The following UVRAG variants were observed in gnomAD, a reference collection of about 807,000 sequenced individuals.
UVRAG encodes the protein UV radiation resistance-associated gene protein.
In UVRAG, 19 loss-of-function variants were observed where a neutral mutation model predicts 78.0. The observed-to-expected ratio is 0.24, with a 90% CI of 0.17 to 0.36. The LOEUF is 0.36. Among genes scored for constraint, UVRAG ranks in the 10% least tolerant of loss-of-function variants. The probability of loss-of-function intolerance (pLI) is 1.00; values close to 1 mark genes in which losing one functional copy is unlikely to be tolerated. For missense variants in UVRAG, 740 were observed against 853.8 expected, an observed-to-expected ratio of 0.87 and a Z score of 1.66; for synonymous variants, 323 against 324.6, an observed-to-expected ratio of 1.00 and a Z score of 0.05.
chr11:76,029,993 A>G (rs747966459), intron 12 of UVRAG, among the ~76,000 whole-genome samples: 22 of 152,232 alleles, frequency 1.4e-4, no homozygotes, highest in Non-Finnish European at 2.9e-4. Context: ...GAAGGCTCAG[A>G]TGATCATTAG....
intron 4 of UVRAG, among the ~76,000 whole-genome samples, chr11:75,880,404 G>A (rs985812697): frequency 3.9e-5 from 6 of 152,134 alleles, no homozygotes; most frequent in African/African-American, 7.2e-5. Context: ...GGAATATCAC[G>A]TTAAATACCT....
chr11:75,969,582 T>C (rs1323914331), intron 7 of UVRAG, among the ~76,000 whole-genome samples: 1 of 152,050 alleles, frequency 6.6e-6, no homozygotes, highest in Non-Finnish European at 1.5e-5. Context: ...TTCAGGAAAA[T>C]TGTTTAGGAA....
At chr11:75,876,692 C>T (rs1243761896) in intron 3 of UVRAG, among the ~76,000 whole-genome samples, 1 of 23,030 alleles carries the variant, frequency 4.3e-5, no homozygotes, top group East Asian at 1.4e-3. Flanking sequence ...ACACTTTGGT[C>T]AGGAAAAAAA....
At chr11:76,024,581 T>C (rs1950298378) in intron 12 of UVRAG, among the ~76,000 whole-genome samples, 1 of 152,222 alleles carries the variant, frequency 6.6e-6, no homozygotes, top group South Asian at 2.1e-4. Flanking sequence ...TAATTGATAG[T>C]ACTTTTCTTA....
intron 6 of UVRAG, among the ~76,000 whole-genome samples, chr11:75,960,532 C>T (rs547338252): frequency 3.3e-4 from 50 of 152,094 alleles, no homozygotes; most frequent in African/African-American, 1.1e-3. Context: ...TTTGAGAGGC[C>T]GAGGCGGGCA....
chr11:75,976,480 G>T (rs931666460), intron 7 of UVRAG, among the ~76,000 whole-genome samples: 7 of 152,144 alleles, frequency 4.6e-5, no homozygotes, highest in Admixed American at 2.0e-4. Context: ...GAATTTGGCT[G>T]TGAATCTGTC....
rs941985927 is a variant in UVRAG at position 76,065,768 on chromosome 11, C to G, written c.1285C>G (p.Leu429Val). The part of the protein sequence containing the change: ...KLQFDYGVYL[L>V]NKNIAQLRYQ... ...GCAGTTTGATTATGGTGTCTATCTT[C>G]TGAACAAAAATATAGCACAGGTAAG... Residue 429 changes from leucine to valine, a missense_variant, in exon 13 of 15, where the codon CTG (leucine) becomes GTG (valine). Physicochemically the swap from Leu to Val is conservative, Grantham distance 32 (BLOSUM62 1). Transcript: ENST00000356136. 2 of 1,613,850 alleles carry G rather than the reference C, an allele frequency of 1.2e-6. No individual in the cohort carries two copies. The highest frequency in any genetic ancestry group is 1.7e-6 in the Non-Finnish European group (2 of 1,179,922).
Position 75,843,435 on chromosome 11 carries a change from A to ATAATCC in UVRAG, c.118-8448_118-8447insTAATCC. On this transcript the variant is annotated intron_variant, in intron 1 of 14. Transcript: ENST00000356136. ...ACCTTACAGTATAAGTTCTTTCCCT[A>ATAATCC]GTTGTAATCTTTGACAGTTTTAAAG... is the stretch of plus-strand genomic sequence containing the variant. Among the ~76,000 whole-genome samples, 4 of 152,320 alleles carry ATAATCC rather than the reference A, an allele frequency of 2.6e-5. No individual in the cohort carries two copies. The East Asian group carries it at 7.7e-4, about 29-fold the overall frequency.
At chr11:76,048,796 G>A (rs1003261260) in intron 12 of UVRAG, among the ~76,000 whole-genome samples, 1 of 152,178 alleles carries the variant, frequency 6.6e-6, no homozygotes, top group Admixed American at 6.5e-5. Flanking sequence ...AAGTTTTTAG[G>A]CTTTTTATGA....
chr11:75,911,471 G>A (rs73491802), intron 5 of UVRAG: 4,968 of 172,836 alleles, frequency 0.029, 266 homozygotes, highest in African/African-American at 0.11. Flanking sequence ...GAGCTCTCTC[G>A]TTGTGGGTGT....
chr11:76,051,479 G>A (rs1950866469), intron 12 of UVRAG, among the ~76,000 whole-genome samples: 1 of 152,008 alleles, frequency 6.6e-6, no homozygotes, highest in Admixed American at 6.6e-5. Context: ...TTACAAAAAG[G>A]GTGTGGAAAA....
chr11:75,863,232 T>C lies in UVRAG; in HGVS notation c.270+1452T>C, dbSNP rs1220917841. ...AGTAAAGCTCTGGTTCTACGTATAT[T>C]ATATGATATAAAATAAGTGCCTAGC... is the stretch of plus-strand genomic sequence containing the variant. On this transcript the variant is annotated intron_variant, in intron 3 of 14. Coordinates refer to ENST00000356136, the MANE Select transcript of UVRAG (RefSeq NM_003369.4). Among the ~76,000 whole-genome samples the C allele has an allele frequency of 3.9e-5, 6 of 152,366 alleles. No individual in the cohort carries two copies. The East Asian group carries it at 1.2e-3, about 29-fold the overall frequency.
chr11:75,976,966 G>A (rs1949257606), intron 7 of UVRAG, among the ~76,000 whole-genome samples: 1 of 152,288 alleles, frequency 6.6e-6, no homozygotes, highest in South Asian at 2.1e-4. Flanking sequence ...ATGTTAGGGT[G>A]TCAATTTTAG....
intron 6 of UVRAG, chr11:75,930,939 C>A (rs1015192157): frequency 7.1e-6 from 1 of 141,052 alleles, no homozygotes; most frequent in Non-Finnish European, 1.5e-5. Context: ...TTCTTTCTTT[C>A]TTTCTTTCTT....
rs1952729591 is a variant in UVRAG at position 76,141,864 on chromosome 11, A to G, written c.*451A>G. ...AAATAGGTTTCCGCCATGTACTGAA[A>G]GGTCTGTGGCCATCTGTGAGGTAGA... On this transcript the variant is annotated 3_prime_UTR_variant, in exon 15 of 15. Transcript: ENST00000356136. The G allele has an allele frequency of 5.7e-6, 1 of 176,552 alleles. No homozygotes were observed. The highest frequency in any genetic ancestry group is 2.4e-5 in the African/African-American group (1 of 41,638). 10.9% of individuals were successfully genotyped at this position (176,552 alleles called of 1,614,324 possible).
intron 5 of UVRAG, among the ~76,000 whole-genome samples, chr11:75,900,140 A>G (rs1375822316): frequency 6.6e-6 from 1 of 152,214 alleles, no homozygotes; most frequent in Non-Finnish European, 1.5e-5. Context: ...TTCAAAGCCA[A>G]GTATGGTTCT....
intron 3 of UVRAG, among the ~76,000 whole-genome samples, chr11:75,871,022 A>C (rs963873030): frequency 1.3e-5 from 2 of 151,748 alleles, no homozygotes; most frequent in African/African-American, 4.8e-5. Flanking sequence ...GGCATGTGCC[A>C]CCATGCCTGG....
chr11:76,099,553 A>T (rs1951844296), intron 13 of UVRAG, among the ~76,000 whole-genome samples: 1 of 152,168 alleles, frequency 6.6e-6, no homozygotes, highest in African/African-American at 2.4e-5. Flanking sequence ...TGTATAGGTT[A>T]GTTTGTAGAG....
intron 13 of UVRAG, among the ~76,000 whole-genome samples, chr11:76,078,887 C>T (rs2134405941): frequency 6.6e-6 from 1 of 152,032 alleles, no homozygotes; most frequent in South Asian, 2.1e-4. Flanking sequence ...TGAGATCGCA[C>T]CACTGCACTC....
Sources: gnomAD v4.1 joint callset for allele counts (sites outside exome capture counted in the v4.1 genomes callset) on GRCh38, gnomAD v4.1.1 for gene constraint, MANE v1.5 for transcripts, NCBI Gene and HGNC (gene_info 2026-07-23, HGNC 2026-07-21) for gene names.